RIMKLB: variants seen among roughly 807,000 people sequenced by gnomAD.
RIMKLB encodes ribosomal modification protein rimK like family member B.
A neutral mutation model predicts 32.0 loss-of-function variants in RIMKLB; 7 were observed. That is an observed-to-expected ratio of 0.22 (90% confidence interval 0.12 to 0.41). The LOEUF (loss-of-function observed/expected upper bound fraction) is 0.41, where lower values mean the gene tolerates loss of function less well. Ranked by LOEUF, RIMKLB falls within the 10% of genes least tolerant of loss-of-function variation. The pLI is 1.00. For synonymous variants in RIMKLB, 172 were observed against 185.1 expected (o/e 0.93, Z 0.57); for missense variants, 289 against 498.7 (o/e 0.58, Z 4.00).
chr12:8,776,360 T>A lies in RIMKLB; in HGVS notation c.*2576T>A, dbSNP rs760317058. On this transcript the variant is annotated 3_prime_UTR_variant, in exon 6 of 6. Coordinates refer to ENST00000535829, the MANE Select transcript of RIMKLB (RefSeq NM_001297776.2). ...ATTCCTTCAAGATTGAGGTAGAGAA[T>A]AAGAGCAAATCATTCTGGAAGTACC... 1.4e-5 allele frequency: 14 copies of A among 983,598 alleles called. No individual in the cohort carries two copies. The highest frequency in any genetic ancestry group is 1.6e-5 in the Non-Finnish European group (13 of 828,254). The allele number at this position is 983,598 out of a possible 1,614,324, so 60.9% of individuals were successfully genotyped here.
rs199946599 is a variant in RIMKLB at position 8,756,053 on chromosome 12, G to A, written c.697+1960G>A. Reference sequence around the variant, plus strand: ...CTGTTTAGTCCCGGCTACTCTGGAGGCTGAGGCATGAGAATCTCTTGAACC... The same window carrying A: ...CTGTTTAGTCCCGGCTACTCTGGAGACTGAGGCATGAGAATCTCTTGAACC... On this transcript the variant is annotated intron_variant, in intron 5 of 5. Coordinates refer to ENST00000535829, the MANE Select transcript of RIMKLB (RefSeq NM_001297776.2). 4.6e-5 allele frequency among the ~76,000 whole-genome samples: 7 copies of A among 151,904 alleles called. No homozygotes were observed. In the East Asian group the frequency reaches 1.4e-3, roughly 29 times the overall value.
At chr12:8,760,589 G>A (rs904663705) in intron 5 of RIMKLB, among the ~76,000 whole-genome samples, 16 of 152,120 alleles carry the variant, frequency 1.1e-4, no homozygotes, top group African/African-American at 2.7e-4. Context: ...ATTTCTCCAC[G>A]TCCTCTCCAG....
At chr12:8,780,964 T>C (rs1950995319), downstream of RIMKLB, among the ~76,000 whole-genome samples, 1 of 152,234 alleles carries the variant, frequency 6.6e-6, no homozygotes, top group South Asian at 2.1e-4. Context: ...CCTTTAATTA[T>C]GGCAAAATTA....
At chr12:8,732,956 A>G (rs1352166941) in intron 2 of RIMKLB, among the ~76,000 whole-genome samples, 3 of 152,076 alleles carry the variant, frequency 2.0e-5, no homozygotes, top group African/African-American at 7.2e-5. Context: ...TTATTGGTGG[A>G]CGTTTGTGTT....
intron 2 of RIMKLB, among the ~76,000 whole-genome samples, chr12:8,732,756 TACAC>T (rs775849283): frequency 7.3e-5 from 11 of 150,118 alleles, no homozygotes; most frequent in South Asian, 2.1e-4. Context: ...TATATATATA[TACAC>T]ACACACACAC....
chr12:8,716,216 G>T (rs1263921248), intron 2 of RIMKLB, among the ~76,000 whole-genome samples: 1 of 152,106 alleles, frequency 6.6e-6, no homozygotes, highest in Non-Finnish European at 1.5e-5. Context: ...AAGTGTGTAG[G>T]TTGAAAAGGA....
intron 2 of RIMKLB, among the ~76,000 whole-genome samples, chr12:8,732,254 G>T (rs998726630): frequency 6.6e-6 from 1 of 152,080 alleles, no homozygotes; most frequent in African/African-American, 2.4e-5. Flanking sequence ...CTTAGCAGGT[G>T]ATTCCTACTT....
At chr12:8,754,500 C>T (rs910900552) in intron 5 of RIMKLB, among the ~76,000 whole-genome samples, 2 of 152,164 alleles carry the variant, frequency 1.3e-5, no homozygotes, top group Non-Finnish European at 2.9e-5. Flanking sequence ...TATGTATTTT[C>T]TCAGATCTCT....
chr12:8,748,519 C>CGTGTGT (rs58187682), intron 2 of RIMKLB, among the ~76,000 whole-genome samples: 10,621 of 131,176 alleles, frequency 0.081, 547 homozygotes, highest in East Asian at 0.2. Context: ...TGGGATTATT[C>CGTGTGT]GTGTGTGTGT....
chr12:8,678,408 G>A (rs190661349), upstream of RIMKLB, among the ~76,000 whole-genome samples: 373 of 151,612 alleles, frequency 2.5e-3, 1 homozygote, highest in Non-Finnish European at 3.3e-3. Context: ...TTGGCTCACC[G>A]CATCCTCCGC....
chr12:8,673,053 T>C, the RIMKLB span, among the ~76,000 whole-genome samples: 8 of 152,166 alleles, frequency 5.3e-5, no homozygotes, highest in Non-Finnish European at 7.3e-5. Context: ...AGCTAATTTT[T>C]GTATTTTTAG....
chr12:8,768,228 C>T (rs1215249021), intron 5 of RIMKLB, among the ~76,000 whole-genome samples: 2 of 152,220 alleles, frequency 1.3e-5, no homozygotes. Context: ...AAGCCTTTAG[C>T]CCGATCAGGA....
intron 2 of RIMKLB, among the ~76,000 whole-genome samples, chr12:8,727,239 T>C (rs1258685127): frequency 6.6e-6 from 1 of 151,430 alleles, no homozygotes; most frequent in Non-Finnish European, 1.5e-5. Flanking sequence ...GTTGTTGTTA[T>C]TATTGTTGTT....
At chr12:8,712,820 T>C (rs1347406414) in intron 1 of RIMKLB, among the ~76,000 whole-genome samples, 1 of 152,232 alleles carries the variant, frequency 6.6e-6, no homozygotes, top group Admixed American at 6.5e-5. Flanking sequence ...GTACAGCCTT[T>C]CCTTCCTGTA....
chr12:8,729,182 A>T (rs1946313875), intron 2 of RIMKLB, among the ~76,000 whole-genome samples: 1 of 152,282 alleles, frequency 6.6e-6, no homozygotes, highest in South Asian at 2.1e-4. Context: ...TAACAGCTCA[A>T]TGGAGGGTCA....
chr12:8,682,804 A>T (rs951208661), intron 1 of RIMKLB, among the ~76,000 whole-genome samples: 8 of 254 alleles, frequency 0.031, no homozygotes, highest in African/African-American at 0.039. Flanking sequence ...TAAATAAATT[A>T]AAAAAAAAAA....
chr12:8,716,725 C>CTTTTT (rs71451981), intron 2 of RIMKLB, among the ~76,000 whole-genome samples: 216 of 95,124 alleles, frequency 2.3e-3, no homozygotes, highest in African/African-American at 2.6e-3. Flanking sequence ...TCTTTTCCTT[C>CTTTTT]TTTTTTTTTT....
At chr12:8,698,641 G>C (rs1383579747) in intron 1 of RIMKLB, among the ~76,000 whole-genome samples, 2 of 152,164 alleles carry the variant, frequency 1.3e-5, no homozygotes, top group African/African-American at 4.8e-5. Context: ...GTAACCCCGG[G>C]AACGCCGGCT....
chr12:8,683,840 C>T (rs1369930200), intron 1 of RIMKLB, among the ~76,000 whole-genome samples: 4 of 151,888 alleles, frequency 2.6e-5, no homozygotes, highest in South Asian at 4.2e-4. Context: ...CTCCACCTCC[C>T]GGGTTCAAGC....
Sources: allele counts gnomAD v4.1 joint callset (sites outside exome capture counted in the v4.1 genomes callset), GRCh38; gene constraint gnomAD v4.1.1; transcripts MANE v1.5; gene names NCBI Gene and HGNC (gene_info 2026-07-23, HGNC 2026-07-21).